L1CAM: variants seen among roughly 807,000 people sequenced by gnomAD.
The protein encoded by L1CAM is neural cell adhesion molecule L1.
Under a neutral mutation model 93.0 loss-of-function variants are expected in L1CAM, and 8 were observed. That is an observed-to-expected ratio of 0.09 (90% CI 0.05 to 0.16). The LOEUF (loss-of-function observed/expected upper bound fraction) is 0.16. Among genes scored for constraint, L1CAM ranks in the 10% least tolerant of loss-of-function variants. L1CAM has a pLI of 1.00. For missense variants in L1CAM, 777 were observed against 1,073.4 expected (o/e 0.72, Z 3.86); for synonymous variants, 453 against 453.0 (o/e 1.00, Z 0.00).
intron 17 of L1CAM, 106 bp from the exon 18 acceptor site, chrX:153,867,230 G>T: frequency 1.0e-6 from 1 of 963,352 alleles, no homozygotes; most frequent in Non-Finnish European, 1.5e-6. Flanking sequence ...AGGGAGTCCA[G>T]CCCCCTCGCG....
At chrX:153,873,703 G>A (rs1255748213) in intron 2 of L1CAM, among the ~76,000 whole-genome samples, 1 of 112,494 alleles carries the variant, frequency 8.9e-6, no homozygotes, top group Non-Finnish European at 1.9e-5. Flanking sequence ...ACAGCTGAGT[G>A]TTTTCAATTA....
intron 8 of L1CAM, 24 bp from the exon 9 acceptor site, chrX:153,870,264 G>A: frequency 8.3e-7 from 1 of 1,202,844 alleles, no homozygotes. Context: ...AAAGGGAAGA[G>A]AGCAGAAGGG....
In L1CAM at chrX:153,868,239, G is replaced by A. The variant is rs879961158; in HGVS notation, c.1703+63C>T. On this transcript the variant is annotated intron_variant, in intron 14 of 28. Transcript: ENST00000370060. ...GCCTTCCCCATCAAAGCAAGGACGA[G>A]GCCAAGAGGTCTGGACTTCCAGCTT... 2.7e-5 allele frequency: 33 copies of A among 1,203,242 alleles called. 1 individual carries two copies. The South Asian group carries it at 5.7e-4, about 21-fold the overall frequency.
At chrX:153,863,699 G>T in intron 26 of L1CAM, 150 bp from the exon 27 acceptor site, 1 of 810,940 alleles carries the variant, frequency 1.2e-6, no homozygotes, top group East Asian at 3.4e-5. Context: ...CTGCGGTCCA[G>T]CCACCACTTG....
chrX:153,866,312 C>CAAAAAAAAAAAAAAAGAAAAAAAAAA (rs2064712465), intron 19 of L1CAM, among the ~76,000 whole-genome samples: 1 of 35,702 alleles, frequency 2.8e-5, no homozygotes. Flanking sequence ...GACTCCATCT[C>CAAAAAAAAAAAAAAAGAAAAAAAAAA]AAAAAAAAAA....
At chrX:153,883,818 C>T (rs782635334) in intron 1 of L1CAM, 30 of 342,046 alleles carry the variant, frequency 8.8e-5, no homozygotes, top group South Asian at 6.2e-4. Context: ...GGCCACTCTG[C>T]GAGGCCGCAT....
At chrX:153,873,694 C>T (rs183171202) in intron 2 of L1CAM, among the ~76,000 whole-genome samples, 2 of 112,730 alleles carry the variant, frequency 1.8e-5, no homozygotes, top group East Asian at 5.6e-4. Context: ...CCAATTAGCA[C>T]AGCTGAGTGT....
chrX:153,883,776 G>T (rs1434397389), intron 1 of L1CAM: 1 of 341,796 alleles, frequency 2.9e-6, no homozygotes, highest in Non-Finnish European at 5.9e-6. Flanking sequence ...ACTACCCCAG[G>T]TTCTCCCATG....
At chrX:153,874,884 A>G (rs2064801242) in intron 2 of L1CAM, among the ~76,000 whole-genome samples, 1 of 112,132 alleles carries the variant, frequency 8.9e-6, no homozygotes. Flanking sequence ...GTGTACTTAC[A>G]TTCAGCCCCA....
At chrX:153,875,648 G>A (rs2064807380) in intron 2 of L1CAM, 113 bp downstream of exon 2, 3 of 696,390 alleles carry the variant, frequency 4.3e-6, no homozygotes, top group East Asian at 6.5e-5. Flanking sequence ...GCCCAGGAAA[G>A]GCCAGGGAGA....
rs201734187 is a variant in L1CAM at position 153,869,937 on chromosome X, G to A, written c.992-3C>T. ...CTTGTGCAGCCAGTACGGGGCAGCT[G>A]GGAGGAAGGGGAGAGCCGCCCTGAG... On this transcript the variant is annotated splice_polypyrimidine_tract_variant and splice_region_variant and intron_variant, in intron 9 of 28. Transcript: ENST00000370060. 1.2e-5 allele frequency: 15 copies of A among 1,207,659 alleles called. No homozygotes were observed. In the African/African-American group the frequency reaches 2.4e-4, roughly 20 times the overall value.
intron 26 of L1CAM, 46 bp downstream of exon 26, chrX:153,863,837 T>C: frequency 8.3e-7 from 1 of 1,208,787 alleles, no homozygotes; most frequent in Non-Finnish European, 1.1e-6. Flanking sequence ...GAGGTGCTCC[T>C]CTCTGCCCTC....
intron 1 of L1CAM, chrX:153,876,330 G>A: frequency 4.3e-6 from 1 of 235,250 alleles, no homozygotes; most frequent in Non-Finnish European, 7.7e-6. Flanking sequence ...CTGCAAGCAG[G>A]GAGTGAGCTG....
Position 153,863,258 on chromosome X carries a change from A to T in L1CAM, c.3542+110T>A, listed in dbSNP as rs1210073818. 4 of 866,879 alleles carry T rather than the reference A, an allele frequency of 4.6e-6. No homozygotes were observed. In the African/African-American group the frequency reaches 8.0e-5, roughly 17 times the overall value. 71.4% of individuals were successfully genotyped at this position (866,879 alleles called of 1,213,427 possible). A position where few individuals can be genotyped will look rare whatever the true frequency, so the allele number is the denominator to read the frequency against. On this transcript the variant is annotated intron_variant, in intron 28 of 28. Transcript: ENST00000370060. Reference sequence around the variant, plus strand: ...GGAGCTGCCGGGCCTGGGGGCTGGGAAGTGAGAGTCCTGTCAGAGCCCCGG... The same window carrying T: ...GGAGCTGCCGGGCCTGGGGGCTGGGTAGTGAGAGTCCTGTCAGAGCCCCGG...
chrX:153,869,382 G>T, intron 11 of L1CAM, 138 bp downstream of exon 11: 2 of 682,475 alleles, frequency 2.9e-6, no homozygotes, highest in Non-Finnish European at 4.6e-6. Context: ...GGCGAAGGGT[G>T]TCAGCAAGGA....
In L1CAM at chrX:153,861,887, G is replaced by T. The variant is rs1477058918; in HGVS notation, c.*776C>A. 9.3e-6 allele frequency: 1 copy of T among 107,918 alleles called. No individual in the cohort carries two copies. The highest frequency in any genetic ancestry group is 2.9e-4 in the East Asian group (1 of 3,401). The allele number at this position is 107,918 out of a possible 1,213,427, so 8.9% of individuals were successfully genotyped here. ...GACAACTGTTCAGACGATAGGGAGG[G>T]CAGGGCTGCTAAGGGGTCCTGGGGG... is the stretch of plus-strand genomic sequence containing the variant. On this transcript the variant is annotated 3_prime_UTR_variant, in exon 29 of 29. Transcript: ENST00000370060.
At chrX:153,864,165 G>T in intron 25 of L1CAM, 148 bp from the exon 26 acceptor site, 1 of 1,025,436 alleles carries the variant, frequency 9.8e-7, no homozygotes, top group South Asian at 1.9e-5. Context: ...GGGTATGAAA[G>T]GGGGCTGATT....
At position 153,865,359 on chromosome X, in the gene L1CAM, C is replaced by T. The variant is rs781872904; in HGVS notation, c.2689G>A (p.Ala897Thr). 1.7e-6 allele frequency: 2 copies of T among 1,211,434 alleles called. No homozygotes were observed. The highest frequency in any genetic ancestry group is 2.2e-6 in the Non-Finnish European group (2 of 895,481). The change falls in exon 21 of 29, where the codon GCC becomes ACC. Residue 897 changes from alanine (A) to threonine (T), a missense_variant. Ala to Thr is a moderately conservative substitution (Grantham distance 58, BLOSUM62 0). This residue lies in a region of L1CAM where 574 missense variants were observed against 781.0 expected (regional missense o/e 0.73). Transcript: ENST00000370060. Reference protein sequence around the residue: ...PYSSYHLEVQAFNGRGSGPAS... With the variant: ...PYSSYHLEVQTFNGRGSGPAS... Reference sequence around the variant, plus strand: ...GGCCCCGATCCTCGCCCGTTAAAGGCCTGCACCTCCAGGTGGTAGGAGCTA... The same window carrying T: ...GGCCCCGATCCTCGCCCGTTAAAGGTCTGCACCTCCAGGTGGTAGGAGCTA...
chrX:153,874,794 C>T (rs1044535283), intron 2 of L1CAM, among the ~76,000 whole-genome samples: 1 of 112,077 alleles, frequency 8.9e-6, no homozygotes, highest in Non-Finnish European at 1.9e-5. Flanking sequence ...CACATGATAC[C>T]CTGTGACATG....
Sources: allele counts gnomAD v4.1 joint callset (sites outside exome capture counted in the v4.1 genomes callset), GRCh38; gene constraint gnomAD v4.1.1; regional missense constraint gnomAD v4.1.1; transcripts MANE v1.5; gene names NCBI Gene and HGNC (gene_info 2026-07-23, HGNC 2026-07-21).